Variants in OR4N5 observed in about 807,000 individuals in gnomAD.
OR4N5 encodes the protein olfactory receptor 4N5.
For missense variants in OR4N5, 428 were observed against 370.0 expected, an observed-to-expected ratio of 1.16 and a Z score of -1.29; for synonymous variants, 155 against 140.6, an observed-to-expected ratio of 1.10 and a Z score of -0.72.
At position 20,144,182 on chromosome 14, in the gene OR4N5, G is replaced by T. The variant is rs765928986; in HGVS notation, c.447G>T (p.Trp149Cys). 4.0e-5 allele frequency: 64 copies of T among 1,613,964 alleles called. No homozygotes were observed. The highest frequency in any genetic ancestry group is 4.5e-5 in the Non-Finnish European group (53 of 1,179,998). ...RACYALSLVLWLGGFIHSIVQ... is the reference protein window; with the variant it reads ...RACYALSLVLCLGGFIHSIVQ... ...GCTATGCATTATCGTTGGTTCTGTG[G>T]CTTGGGGGCTTTATCCATTCCATTG... The change falls in exon 3 of 3, where the codon TGG (tryptophan) becomes TGT (cysteine). Residue 149 changes from tryptophan to cysteine, a missense_variant. Coordinates refer to ENST00000641086, the MANE Select transcript of OR4N5 (RefSeq NM_001004724.2).
At position 20,139,405 on chromosome 14, in the gene OR4N5, T is replaced by C. The variant is rs182721419; in HGVS notation, c.-381+515T>C. Among the ~76,000 whole-genome samples, 61 of 152,242 alleles carry C rather than the reference T, an allele frequency of 4.0e-4. No homozygotes were observed. In the South Asian group the frequency reaches 5.8e-3, roughly 14 times the overall value. On this transcript the variant is annotated intron_variant, in intron 1 of 2. Transcript: ENST00000641086. ...TGCACATGGTCCTTACATCCAGCAA[T>C]ATAAGGCTCAGAGTTAGCAATCCTA...
At chr14:20,140,500 T>G (rs1237137413) in intron 1 of OR4N5, among the ~76,000 whole-genome samples, 1 of 152,118 alleles carries the variant, frequency 6.6e-6, no homozygotes, top group Admixed American at 6.6e-5. Context: ...GCTGCTAGGA[T>G]GTTGATCAGG....
At chr14:20,139,418 G>A (rs534808393) in intron 1 of OR4N5, among the ~76,000 whole-genome samples, 2 of 152,204 alleles carry the variant, frequency 1.3e-5, no homozygotes, top group African/African-American at 4.8e-5. Flanking sequence ...AAGGCTCAGA[G>A]TTAGCAATCC....
rs373748532 is a variant in OR4N5, at chr14:20,144,518, C to T, written c.783C>T (p.Pro261=). 1.2e-4 allele frequency: 189 copies of T among 1,613,968 alleles called. No homozygotes were observed. Among genetic ancestry groups the T allele is most frequent in the Non-Finnish European group, 1.6e-4 (187 of 1,179,958 alleles). Residue 261 remains proline (P), a synonymous_variant, in exon 3 of 3, where the codon CCC becomes CCT. Transcript: ENST00000641086. ...FGPAIFIYTC[P]FQAFPADKVV... ...CTGCTATTTTCATCTACACTTGCCCCTTCCAGGCTTTCCCAGCTGACAAGG... is the reference window on the plus strand; with the variant it reads ...CTGCTATTTTCATCTACACTTGCCCTTTCCAGGCTTTCCCAGCTGACAAGG...
intron 1 of OR4N5, among the ~76,000 whole-genome samples, chr14:20,139,338 G>T (rs1028954330): frequency 6.6e-6 from 1 of 152,046 alleles, no homozygotes. Context: ...CACAAGTTTG[G>T]AAACCTCTGG....
At position 20,144,185 on chromosome 14, in the gene OR4N5, T is replaced by C; in HGVS notation, c.450T>C (p.Leu150=). 3 of 1,614,136 alleles carry C rather than the reference T, an allele frequency of 1.9e-6. No homozygotes were observed. Among genetic ancestry groups the C allele is most frequent in the Non-Finnish European group, 2.5e-6 (3 of 1,179,998 alleles). Residue 150 remains leucine, a synonymous_variant, in exon 3 of 3, where the codon CTT becomes CTC. Transcript: ENST00000641086. The part of the protein sequence containing the change: ...ACYALSLVLW[L]GGFIHSIVQV... Reference sequence around the variant, plus strand: ...ATGCATTATCGTTGGTTCTGTGGCTTGGGGGCTTTATCCATTCCATTGTAC... The same window carrying C: ...ATGCATTATCGTTGGTTCTGTGGCTCGGGGGCTTTATCCATTCCATTGTAC...
chr14:20,141,525 A>G (rs1293248516), intron 2 of OR4N5, among the ~76,000 whole-genome samples: 1 of 152,162 alleles, frequency 6.6e-6, no homozygotes, highest in African/African-American at 2.4e-5. Context: ...AAATGTTCTG[A>G]TGTTTCCTAA....
chr14:20,143,537 C>T (rs1878658774), intron 2 of OR4N5, among the ~76,000 whole-genome samples, 188 bp from the exon 3 acceptor site: 2 of 152,018 alleles, frequency 1.3e-5, no homozygotes, highest in African/African-American at 2.4e-5. Context: ...TACCTAAAAA[C>T]GTATTTTATT....
chr14:20,139,445 T>G (rs926566685), intron 1 of OR4N5, among the ~76,000 whole-genome samples: 2 of 152,098 alleles, frequency 1.3e-5, no homozygotes, highest in Non-Finnish European at 2.9e-5. Context: ...AAGAAAGACA[T>G]GATTCTCAAA....
At position 20,143,745 on chromosome 14, in the gene OR4N5, C is replaced by T. The variant is rs1469107231; in HGVS notation, c.10C>T (p.Gln4Ter). The T allele has an allele frequency of 6.2e-7, 1 of 1,604,002 alleles. No individual in the cohort carries two copies. The highest frequency in any genetic ancestry group is 1.1e-5 in the South Asian group (1 of 89,488). ...TGCAGAGTGAGAAATTATGGAAACA[C>T]AGAACCTCACAGTGGTGACAGAATT... MET[Q>*]NLTVVTEFIL... Residue 4 changes from glutamine (Q) to a stop codon, truncating the protein, a stop_gained, in exon 3 of 3, where the codon CAG (glutamine) becomes TAG (stop). Coordinates refer to ENST00000641086, the MANE Select transcript of OR4N5 (RefSeq NM_001004724.2). LOFTEE classifies it low-confidence loss of function (END_TRUNC).
rs180732135 is a variant in OR4N5, at chr14:20,141,491, C to T, written c.-12+280C>T. On this transcript the variant is annotated intron_variant, in intron 2 of 2. Transcript: ENST00000641086. ...TTCCATAGCATTTGCTGCTAGTTAA[C>T]GAATGTTACTAGTCACATAAAACAA... 1.6e-4 allele frequency among the ~76,000 whole-genome samples: 25 copies of T among 152,222 alleles called. No individual in the cohort carries two copies. In the East Asian group the frequency reaches 3.3e-3, roughly 20 times the overall value.
rs942650256 is a variant in OR4N5, at chr14:20,141,051, C to T, written c.-172C>T. 6.6e-6 allele frequency: 1 copy of T among 152,128 alleles called. No homozygotes were observed. Among genetic ancestry groups the T allele is most frequent in the Non-Finnish European group, 1.5e-5 (1 of 68,022 alleles). 9.4% of individuals were successfully genotyped at this position (152,128 alleles called of 1,614,324 possible). A position where few individuals can be genotyped will look rare whatever the true frequency, so the allele number is the denominator to read the frequency against. ...AAAGATGTTGAGTAACATGGAATTT[C>T]ATCTGTTAGTTAACAGAAAATAGAC... On this transcript the variant is annotated 5_prime_UTR_variant, in exon 2 of 3. Coordinates refer to ENST00000641086, the MANE Select transcript of OR4N5 (RefSeq NM_001004724.2).
chr14:20,144,608 C>T lies in OR4N5; in HGVS notation c.873C>T (p.Asn291=), dbSNP rs776040713. 8.7e-6 allele frequency: 14 copies of T among 1,613,268 alleles called. No homozygotes were observed. The Admixed American group carries it at 1.7e-4, about 19-fold the overall frequency. Residue 291 remains asparagine, a synonymous_variant, in exon 3 of 3, where the codon AAC becomes AAT. Transcript: ENST00000641086. ...ACCCTGTTATTTATACGCTTCGCAA[C>T]CAGGAGGTGAAAGCTTCCATGAGGA... ...LMNPVIYTLR[N]QEVKASMRKL...
chr14:20,143,280 G>A (rs1878653596), intron 2 of OR4N5, among the ~76,000 whole-genome samples: 1 of 152,178 alleles, frequency 6.6e-6, no homozygotes, highest in Non-Finnish European at 1.5e-5. Flanking sequence ...GGTGGCAGAA[G>A]CAACTGTGAA....
intron 2 of OR4N5, among the ~76,000 whole-genome samples, chr14:20,142,765 C>G (rs1358177132): frequency 6.6e-6 from 1 of 152,148 alleles, no homozygotes; most frequent in Non-Finnish European, 1.5e-5. Context: ...AAAGAAAACT[C>G]ATTGCAAGTT....
At position 20,144,322 on chromosome 14, in the gene OR4N5, A is replaced by G; in HGVS notation, c.587A>G (p.Glu196Gly). The change falls in exon 3 of 3, where the codon GAG (glutamate) becomes GGG (glycine). Residue 196 changes from glutamate (E) to glycine (G), a missense_variant. Physicochemically the swap from Glu to Gly is moderately conservative, Grantham distance 98. Coordinates refer to ENST00000641086, the MANE Select transcript of OR4N5 (RefSeq NM_001004724.2). ...GCCTGCACCAATACCTTTGTGGTGG[A>G]GCTTCTGATGGTCTCCAACAGTGGC... ...KLACTNTFVVELLMVSNSGLL... is the reference protein window; with the variant it reads ...KLACTNTFVVGLLMVSNSGLL... The G allele has an allele frequency of 6.2e-7, 1 of 1,613,956 alleles. No individual in the cohort carries two copies. The highest frequency in any genetic ancestry group is 8.5e-7 in the Non-Finnish European group (1 of 1,179,982).
intron 2 of OR4N5, among the ~76,000 whole-genome samples, chr14:20,141,884 TG>T (rs1892632396): frequency 6.6e-6 from 1 of 152,186 alleles, no homozygotes; most frequent in Admixed American, 6.6e-5. Flanking sequence ...TCCTTTTTAT[TG>T]TCACATTGCA....
In OR4N5 at chr14:20,144,134, A is replaced by G; in HGVS notation, c.399A>G (p.Ser133=). 1 of 1,614,010 alleles carries G rather than the reference A, an allele frequency of 6.2e-7. No homozygotes were observed. Among genetic ancestry groups the G allele is most frequent in the Non-Finnish European group, 8.5e-7 (1 of 1,179,966 alleles). ...YIAICRPLHY[S]TIMNPRACYA... ...CCATCTGCCGGCCTTTACACTATTC[A>G]ACCATCATGAACCCTAGAGCCTGCT... The change falls in exon 3 of 3, where the codon TCA becomes TCG. Residue 133 remains serine, a synonymous_variant. Coordinates refer to ENST00000641086, the MANE Select transcript of OR4N5 (RefSeq NM_001004724.2).
intron 2 of OR4N5, among the ~76,000 whole-genome samples, chr14:20,142,381 G>A (rs556317642): frequency 2.6e-5 from 4 of 152,056 alleles, no homozygotes; most frequent in South Asian, 2.1e-4. Context: ...TGCCCTCCTC[G>A]GTCTCCCAAA....
Sources: allele counts gnomAD v4.1 joint callset (sites outside exome capture counted in the v4.1 genomes callset), GRCh38; gene constraint gnomAD v4.1.1; transcripts MANE v1.5; gene names NCBI Gene and HGNC (gene_info 2026-07-23, HGNC 2026-07-21).